The following NOL4L variants were observed in gnomAD, a reference collection of about 807,000 sequenced individuals.
The protein encoded by NOL4L is nucleolar protein 4-like.
In NOL4L, 7 loss-of-function variants were observed where a neutral mutation model predicts 64.5. The observed-to-expected ratio is 0.11, with a 90% CI of 0.06 to 0.20. The LOEUF is 0.20. NOL4L is among the 10% of genes least tolerant of loss of function. NOL4L has a pLI of 1.00. For synonymous variants in NOL4L, 413 were observed against 401.0 expected (o/e 1.03, Z -0.36); for missense variants, 680 against 967.1 (o/e 0.70, Z 3.94).
rs2012357993 is a variant in NOL4L, at chr20:32,446,948, G to T, written c.*648C>A. The T allele has an allele frequency of 6.9e-6, 2 of 290,256 alleles. No homozygotes were observed. Among genetic ancestry groups the T allele is most frequent in the South Asian group, 5.5e-5 (2 of 36,600 alleles). The allele number at this position is 290,256 out of a possible 1,614,324, so 18.0% of individuals were successfully genotyped here. A position where few individuals can be genotyped will look rare whatever the true frequency, so the allele number is the denominator to read the frequency against. On this transcript the variant is annotated 3_prime_UTR_variant, in exon 11 of 11. Transcript: ENST00000621426. ...GGTGGTGTCCCTGTGGCAGCACTGG[G>T]ATCTGCAACAGGATGGCCTGGCCAA...
At chr20:32,556,679 A>G (rs1371739259) in intron 1 of NOL4L, among the ~76,000 whole-genome samples, 1 of 152,174 alleles carries the variant, frequency 6.6e-6, no homozygotes, top group Non-Finnish European at 1.5e-5. Flanking sequence ...TGGTGACACA[A>G]GTGTCCTCAG....
intron 4 of NOL4L, among the ~76,000 whole-genome samples, chr20:32,481,506 A>G (rs2015710121): frequency 6.6e-6 from 1 of 152,082 alleles, no homozygotes; most frequent in African/African-American, 2.4e-5. Context: ...GCCGCAGGAA[A>G]AGTTCCCCAA....
intron 1 of NOL4L, among the ~76,000 whole-genome samples, chr20:32,554,210 A>G (rs1031511636): frequency 6.0e-5 from 9 of 150,788 alleles, no homozygotes; most frequent in South Asian, 2.1e-4. Flanking sequence ...AGTCCCAGCT[A>G]CTCGGGAGGC....
rs1036558826 is a variant in NOL4L, at chr20:32,527,678, C to T, written c.477+80G>A. The T allele has an allele frequency of 3.4e-6, 5 of 1,463,696 alleles. No homozygotes were observed. The African/African-American group carries it at 4.2e-5, about 12-fold the overall frequency. 90.7% of individuals were successfully genotyped at this position (1,463,696 alleles called of 1,614,324 possible). A position where few individuals can be genotyped will look rare whatever the true frequency, so the allele number is the denominator to read the frequency against. ...CGCCTCAGCTCCCTGCCCCGCCCCC[C>T]AAGCCCAACATGTGCGGAGCCCGTG... is the stretch of plus-strand genomic sequence containing the variant. On this transcript the variant is annotated intron_variant, in intron 2 of 10. Transcript: ENST00000621426.
intron 1 of NOL4L, among the ~76,000 whole-genome samples, chr20:32,531,899 C>A (rs1045402382): frequency 6.6e-6 from 1 of 152,158 alleles, no homozygotes; most frequent in Admixed American, 6.5e-5. Context: ...CTCAGTAACA[C>A]CCACCATCAG....
chr20:32,557,493 C>T (rs1341184244), intron 1 of NOL4L, among the ~76,000 whole-genome samples: 1 of 152,240 alleles, frequency 6.6e-6, no homozygotes, highest in Non-Finnish European at 1.5e-5. Flanking sequence ...TGGGCATGCC[C>T]AGTGCTCCAG....
At chr20:32,492,145 T>C (rs902961740) in intron 4 of NOL4L, among the ~76,000 whole-genome samples, 1 of 147,532 alleles carries the variant, frequency 6.8e-6, no homozygotes, top group Non-Finnish European at 1.5e-5. Context: ...CATAGCAGAC[T>C]GGTAGGCTGG....
intron 1 of NOL4L, chr20:32,565,045 A>C (rs1979338551): frequency 6.6e-6 from 1 of 152,508 alleles, no homozygotes; most frequent in African/African-American, 2.4e-5. Flanking sequence ...GCCCGGGTCC[A>C]AGCCCCACCA....
At chr20:32,559,472 G>C (rs2145611085) in intron 1 of NOL4L, among the ~76,000 whole-genome samples, 1 of 152,366 alleles carries the variant, frequency 6.6e-6, no homozygotes, top group African/African-American at 2.4e-5. Context: ...CTCAAGGGCA[G>C]AGTCAATGAC....
intron 5 of NOL4L, among the ~76,000 whole-genome samples, chr20:32,465,618 G>A (rs916844741): frequency 2.0e-5 from 3 of 152,232 alleles, no homozygotes; most frequent in African/African-American, 4.8e-5. Flanking sequence ...CCTGCTCCCC[G>A]TGTTCTCAGA....
chr20:32,492,769 G>C (rs1276056724), intron 4 of NOL4L, among the ~76,000 whole-genome samples: 1 of 152,184 alleles, frequency 6.6e-6, no homozygotes, highest in African/African-American at 2.4e-5. Context: ...ATGAAGACTA[G>C]GGGCTTCTGG....
chr20:32,529,705 C>G (rs146276285), intron 1 of NOL4L, among the ~76,000 whole-genome samples: 1 of 152,158 alleles, frequency 6.6e-6, no homozygotes, highest in Non-Finnish European at 1.5e-5. Flanking sequence ...AGTGGTAACC[C>G]TGGGAGGTGA....
At chr20:32,552,363 C>T (rs4911241) in intron 1 of NOL4L, among the ~76,000 whole-genome samples, 40,304 of 151,676 alleles carry the variant, frequency 0.27, 6,717 homozygotes, top group East Asian at 0.77. Flanking sequence ...TAACAGTCTA[C>T]GGGTACTTGA....
At chr20:32,541,008 TACACACACACACAC>T (rs10675320) in intron 1 of NOL4L, among the ~76,000 whole-genome samples, 2,746 of 133,592 alleles carry the variant, frequency 0.021, 50 homozygotes, top group Non-Finnish European at 0.03. Flanking sequence ...CGCCACCCCC[TACACACACACACAC>T]ACACACACAC....
In NOL4L at chr20:32,446,047, T is replaced by C. The variant is rs2012315541; in HGVS notation, c.*1549A>G. The stretch of plus-strand genomic sequence containing the variant: ...GGCCCTGGCTCCCCTGGGGCCTCTC[T>C]GCTCTGAGGGAGGAAAGGCAACAGA... On this transcript the variant is annotated 3_prime_UTR_variant, in exon 11 of 11. Coordinates refer to ENST00000621426, the MANE Select transcript of NOL4L (RefSeq NM_001256798.2). The C allele has an allele frequency of 6.6e-6, 1 of 152,244 alleles. No individual in the cohort carries two copies. The highest frequency in any genetic ancestry group is 2.1e-4 in the South Asian group (1 of 4,828). 9.4% of individuals were successfully genotyped at this position (152,244 alleles called of 1,614,324 possible). A position where few individuals can be genotyped will look rare whatever the true frequency, so the allele number is the denominator to read the frequency against.
intron 1 of NOL4L, among the ~76,000 whole-genome samples, chr20:32,558,227 A>G (rs1978782004): frequency 1.3e-5 from 2 of 152,216 alleles, no homozygotes; most frequent in Admixed American, 1.3e-4. Flanking sequence ...ACAACTGACA[A>G]CTGGCCACAG....
intron 4 of NOL4L, among the ~76,000 whole-genome samples, chr20:32,506,401 C>T (rs2017141828): frequency 6.6e-6 from 1 of 152,108 alleles, no homozygotes; most frequent in Admixed American, 6.5e-5. Flanking sequence ...GTGGCTCACA[C>T]TTGTAATCCC....
intron 4 of NOL4L, chr20:32,475,030 T>C (rs1448961410): frequency 1.0e-6 from 1 of 985,294 alleles, no homozygotes; most frequent in Admixed American, 6.1e-5. Flanking sequence ...GCCTGGCTCT[T>C]ACCCTTGTGA....
rs1600608368 is a variant in NOL4L, at chr20:32,447,483, T to C, written c.*113A>G. The C allele has an allele frequency of 7.0e-7, 1 of 1,425,770 alleles. No homozygotes were observed. Among genetic ancestry groups the C allele is most frequent in the East Asian group, 2.5e-5 (1 of 39,582 alleles). 88.3% of individuals were successfully genotyped at this position (1,425,770 alleles called of 1,614,324 possible). Reference sequence around the variant, plus strand: ...TTGGAGTGTGGCTAGAAACAGCTCTTTTGGATCCCACCTCTTTCAAAAACA... The same window carrying C: ...TTGGAGTGTGGCTAGAAACAGCTCTCTTGGATCCCACCTCTTTCAAAAACA... On this transcript the variant is annotated 3_prime_UTR_variant, in exon 11 of 11. Transcript: ENST00000621426.
Sources: gnomAD v4.1 joint callset for allele counts (sites outside exome capture counted in the v4.1 genomes callset) on GRCh38, gnomAD v4.1.1 for gene constraint, MANE v1.5 for transcripts, NCBI Gene and HGNC (gene_info 2026-07-23, HGNC 2026-07-21) for gene names.